DRAXIN: variants seen among roughly 807,000 people sequenced by gnomAD.
DRAXIN encodes dorsal repulsive axon guidance protein.
In DRAXIN, 27 loss-of-function variants were observed where a neutral mutation model predicts 33.9. That is an observed-to-expected ratio of 0.80 (90% CI 0.59 to 1.10). The LOEUF is 1.10. DRAXIN is among the 50% of genes least tolerant of loss of function. The probability of loss-of-function intolerance (pLI) is 0.00; values close to 1 mark genes in which losing one functional copy is unlikely to be tolerated. For missense variants in DRAXIN, 371 were observed against 460.8 expected (o/e 0.81, Z 1.78); for synonymous variants, 178 against 194.0 (o/e 0.92, Z 0.69).
chr1:11,714,856 G>C (rs986328917), intron 5 of DRAXIN, among the ~76,000 whole-genome samples: 2 of 152,214 alleles, frequency 1.3e-5, no homozygotes, highest in African/African-American at 4.8e-5. Context: ...TCTGGGAGGA[G>C]ACCTCACACC....
chr1:11,697,055 A>T (rs952324259), intron 1 of DRAXIN, among the ~76,000 whole-genome samples: 2 of 152,110 alleles, frequency 1.3e-5, no homozygotes, highest in African/African-American at 4.8e-5. Context: ...AAAAAAAAAA[A>T]AAAACAACTT....
At chr1:11,719,560 C>A (rs747942801) in intron 6 of DRAXIN, 24 bp from the exon 7 acceptor site, 2 of 1,589,506 alleles carry the variant, frequency 1.3e-6, no homozygotes, top group Admixed American at 3.4e-5. Flanking sequence ...GCGCCTCTGA[C>A]CCCCCTTGCC....
Position 11,724,550 on chromosome 1 carries a change from C to T in DRAXIN, c.*4854C>T, listed in dbSNP as rs1641713119. 6.6e-6 allele frequency: 1 copy of T among 152,332 alleles called. No homozygotes were observed. The highest frequency in any genetic ancestry group is 1.5e-5 in the Non-Finnish European group (1 of 68,122). The allele number at this position is 152,332 out of a possible 1,614,324, so 9.4% of individuals were successfully genotyped here. ...CCAAGCCACAAAGTAAATCCTAAAGCCACAACCCCTTCTACCACTGAGCTG... is the reference window on the plus strand; with the variant it reads ...CCAAGCCACAAAGTAAATCCTAAAGTCACAACCCCTTCTACCACTGAGCTG... On this transcript the variant is annotated 3_prime_UTR_variant, in exon 7 of 7. Transcript: ENST00000294485.
chr1:11,688,453 C>T (rs1641000775), upstream of DRAXIN, among the ~76,000 whole-genome samples: 2 of 152,000 alleles, frequency 1.3e-5, no homozygotes, highest in African/African-American at 4.8e-5. This position sits in a 1 kb window ranked among gnomAD's most constrained non-coding sequence, Gnocchi z 4.6. Context: ...CACAGCTACT[C>T]AGGAAGCTGA....
rs577613853 is a variant in DRAXIN at position 11,693,821 on chromosome 1, G to A, written c.-11+1968G>A. Among the ~76,000 whole-genome samples the A allele has an allele frequency of 4.6e-5, 7 of 151,978 alleles. No homozygotes were observed. In the East Asian group the frequency reaches 7.8e-4, roughly 17 times the overall value. ...CTTCCTCCCCACTATTCAATTCATC[G>A]CCCTCCCAGTCCATAGTCCTCAGTG... On this transcript the variant is annotated intron_variant, in intron 1 of 6. Transcript: ENST00000294485.
upstream of DRAXIN, among the ~76,000 whole-genome samples, chr1:11,687,573 C>T (rs1429240872): frequency 1.3e-5 from 2 of 151,980 alleles, no homozygotes; most frequent in African/African-American, 4.8e-5. This position sits in a 1 kb window ranked among gnomAD's most constrained non-coding sequence, Gnocchi z 4.1. Flanking sequence ...GAAGGGGTCT[C>T]ACTATGTTGC....
intron 6 of DRAXIN, among the ~76,000 whole-genome samples, chr1:11,717,585 C>T (rs1641595979): frequency 1.3e-5 from 2 of 148,338 alleles, no homozygotes; most frequent in South Asian, 4.2e-4. Context: ...TCTCTTGAAA[C>T]CAGGAGGCGG....
chr1:11,719,850 G>T lies in DRAXIN; in HGVS notation c.*154G>T. 2.8e-6 allele frequency: 2 copies of T among 711,730 alleles called. No homozygotes were observed. Among genetic ancestry groups the T allele is most frequent in the Non-Finnish European group, 4.8e-6 (2 of 419,366 alleles). 44.1% of individuals were successfully genotyped at this position (711,730 alleles called of 1,614,324 possible). A position where few individuals can be genotyped will look rare whatever the true frequency, so the allele number is the denominator to read the frequency against. On this transcript the variant is annotated 3_prime_UTR_variant, in exon 7 of 7. Transcript: ENST00000294485. ...AACCCCAGGAGGGGAGCCGCTCGGCGAATGAGCTGGGTGGGTGCCCAGGAG... is the reference window on the plus strand; with the variant it reads ...AACCCCAGGAGGGGAGCCGCTCGGCTAATGAGCTGGGTGGGTGCCCAGGAG...
chr1:11,716,809 CT>C (rs2100743920), intron 6 of DRAXIN, among the ~76,000 whole-genome samples: 1 of 152,294 alleles, frequency 6.6e-6, no homozygotes, highest in South Asian at 2.1e-4. Flanking sequence ...CTATGTAGTT[CT>C]GATTATTCAC....
intron 1 of DRAXIN, among the ~76,000 whole-genome samples, chr1:11,693,453 C>T (rs1641135797): frequency 1.3e-5 from 2 of 152,102 alleles, no homozygotes; most frequent in Admixed American, 6.5e-5. Flanking sequence ...ACATGTGACA[C>T]ACCACTCCAG....
intron 4 of DRAXIN, 66 bp from the exon 5 acceptor site, chr1:11,712,274 A>T: frequency 6.3e-7 from 1 of 1,577,260 alleles, no homozygotes; most frequent in Non-Finnish European, 8.7e-7. Flanking sequence ...CCAACATCTG[A>T]GTCCCTGTGC....
At position 11,696,155 on chromosome 1, in the gene DRAXIN, G is replaced by C. The variant is rs1369409027; in HGVS notation, c.-11+4302G>C. Among the ~76,000 whole-genome samples, 3 of 152,084 alleles carry C rather than the reference G, an allele frequency of 2.0e-5. No individual in the cohort carries two copies. Among genetic ancestry groups the C allele is most frequent in the African/African-American group, 7.2e-5 (3 of 41,416 alleles). On this transcript the variant is annotated intron_variant, in intron 1 of 6. Coordinates refer to ENST00000294485, the MANE Select transcript of DRAXIN (RefSeq NM_198545.4). This position sits in a 1 kb window ranked among gnomAD's most constrained non-coding sequence, Gnocchi z 4.7. The stretch of plus-strand genomic sequence containing the variant: ...TGCGCCTGCCCCTTTGCACACCCAG[G>C]CACAGATGCACAAATGCTTCCAGGA...
chr1:11,700,983 G>T lies in DRAXIN; in HGVS notation c.-10-5266G>T, dbSNP rs1051201920. 7.2e-5 allele frequency among the ~76,000 whole-genome samples: 11 copies of T among 152,284 alleles called. No individual in the cohort carries two copies. In the Middle Eastern group the frequency reaches 0.01, roughly 141 times the overall value. On this transcript the variant is annotated intron_variant, in intron 1 of 6. Coordinates refer to ENST00000294485, the MANE Select transcript of DRAXIN (RefSeq NM_198545.4). The stretch of plus-strand genomic sequence containing the variant: ...TGGCCCCCAAATGCAAGGCTGTTGT[G>T]GGGGGAGGGGCTCAGGAATCAAAGC...
At chr1:11,702,205 C>T (rs1459805802) in intron 1 of DRAXIN, among the ~76,000 whole-genome samples, 1 of 150,926 alleles carries the variant, frequency 6.6e-6, no homozygotes, top group Non-Finnish European at 1.5e-5. Context: ...CACACATGCT[C>T]ACACACACCC....
chr1:11,700,273 AAAG>A (rs1286863144), intron 1 of DRAXIN, among the ~76,000 whole-genome samples: 6 of 152,250 alleles, frequency 3.9e-5, no homozygotes, highest in East Asian at 1.9e-4. Context: ...AATGAGAAAA[AAAG>A]AAGCTGTTCT....
In DRAXIN at chr1:11,720,894, G is replaced by T. The variant is rs1428148646; in HGVS notation, c.*1198G>T. 6.6e-6 allele frequency: 1 copy of T among 152,200 alleles called. No individual in the cohort carries two copies. The highest frequency in any genetic ancestry group is 6.5e-5 in the Admixed American group (1 of 15,280). The allele number at this position is 152,200 out of a possible 1,614,324, so 9.4% of individuals were successfully genotyped here. A position where few individuals can be genotyped will look rare whatever the true frequency, so the allele number is the denominator to read the frequency against. On this transcript the variant is annotated 3_prime_UTR_variant, in exon 7 of 7. Transcript: ENST00000294485. ...TGTTCTCTGCCTTCCCTGGATAAAG[G>T]TGTATCATGTTTAAAAACAAAACAA...
At chr1:11,697,655 G>A (rs961092462) in intron 1 of DRAXIN, among the ~76,000 whole-genome samples, 1 of 152,168 alleles carries the variant, frequency 6.6e-6, no homozygotes, top group Non-Finnish European at 1.5e-5. Flanking sequence ...ACTGGAGCAG[G>A]TGCCCTTGTC....
At chr1:11,715,835 C>T (rs1487689626) in intron 6 of DRAXIN, among the ~76,000 whole-genome samples, 1 of 152,184 alleles carries the variant, frequency 6.6e-6, no homozygotes, top group Non-Finnish European at 1.5e-5. Flanking sequence ...TAATGATGCC[C>T]AAACTTACAC....
intron 6 of DRAXIN, among the ~76,000 whole-genome samples, chr1:11,718,588 C>T (rs74750675): frequency 0.021 from 3,218 of 152,230 alleles, 143 homozygotes; most frequent in African/African-American, 0.069. Flanking sequence ...GTTAGCCCCT[C>T]CTTCCTATAG....
Sources: gnomAD v4.1 joint callset for allele counts (sites outside exome capture counted in the v4.1 genomes callset) on GRCh38, gnomAD v4.1.1 for gene constraint, Gnocchi (gnomAD v3.1) non-coding constraint, MANE v1.5 for transcripts, NCBI Gene and HGNC (gene_info 2026-07-23, HGNC 2026-07-21) for gene names.